Variants in ZNF644 observed in about 807,000 individuals in gnomAD.
ZNF644 encodes zinc finger motif enhancer binding protein 2.
ZNF644 carries 20 observed loss-of-function variants against 108.0 expected under a neutral mutation model. The observed-to-expected ratio is 0.19, with a 90% confidence interval of 0.13 to 0.27. The LOEUF (loss-of-function observed/expected upper bound fraction) is 0.27. Among genes scored for constraint, ZNF644 ranks in the 10% least tolerant of loss-of-function variants. The probability of loss-of-function intolerance (pLI) is 1.00; values close to 1 mark genes in which losing one functional copy is unlikely to be tolerated. For synonymous variants in ZNF644, 542 were observed against 539.1 expected (o/e 1.01, Z -0.08); for missense variants, 1,338 against 1,548.9 (o/e 0.86, Z 2.29).
intron 1 of ZNF644, among the ~76,000 whole-genome samples, chr1:91,005,956 T>C (rs1422853264): frequency 6.6e-6 from 1 of 150,928 alleles, no homozygotes; most frequent in African/African-American, 2.4e-5. Context: ...AAAAAATCAA[T>C]CAACCCAAAA....
chr1:90,937,451 A>G, intron 4 of ZNF644, 34 bp downstream of exon 4: 1 of 1,613,120 alleles, frequency 6.2e-7, no homozygotes, highest in East Asian at 2.2e-5. Context: ...CTGCATTTAA[A>G]CTGTGTATAG....
Position 90,952,953 on chromosome 1 carries a change from A to C in ZNF644, c.45-11644T>G, listed in dbSNP as rs115316690. On this transcript the variant is annotated intron_variant, in intron 2 of 5. Coordinates refer to ENST00000337393, the MANE Select transcript of ZNF644 (RefSeq NM_201269.3). ...GAAAATAAAAGACAATGAGAAAAAA[A>C]ATCTTAAAAGCAGCCACAGAAAAAA... Among the ~76,000 whole-genome samples the C allele has an allele frequency of 6.7e-3, 1,019 of 151,898 alleles. 15 individuals are homozygous for C. Among genetic ancestry groups the C allele is most frequent in the African/African-American group, 0.023 (954 of 41,438 alleles).
At chr1:90,996,569 G>A (rs1240205072) in intron 1 of ZNF644, among the ~76,000 whole-genome samples, 1 of 152,184 alleles carries the variant, frequency 6.6e-6, no homozygotes, top group Non-Finnish European at 1.5e-5. Context: ...AGAAATGCTT[G>A]AGTCCAAGTG....
intron 2 of ZNF644, among the ~76,000 whole-genome samples, chr1:90,955,921 T>C (rs1235669545): frequency 6.6e-6 from 1 of 152,238 alleles, no homozygotes; most frequent in Non-Finnish European, 1.5e-5. Context: ...GTATAATGCC[T>C]TCCTCACTAA....
At chr1:90,983,499 AAAG>A (rs1184694558) in intron 1 of ZNF644, among the ~76,000 whole-genome samples, 199 of 151,774 alleles carry the variant, frequency 1.3e-3, no homozygotes, top group East Asian at 6.3e-3. Context: ...AAAAAAAAAA[AAAG>A]AAGAAGTCTT....
In ZNF644 at chr1:90,915,529, CTTG is replaced by C. The variant is rs1648675504; in HGVS notation, c.*1266_*1268del. On this transcript the variant is annotated 3_prime_UTR_variant, in exon 6 of 6. Coordinates refer to ENST00000337393, the MANE Select transcript of ZNF644 (RefSeq NM_201269.3). ...ATAAAATGGTGCTTGCATACAAAAACTTGTTGTTTGTAAAGGAATCTGATTTCA... is the reference window on the plus strand; with the variant it reads ...ATAAAATGGTGCTTGCATACAAAAACTTGTTTGTAAAGGAATCTGATTTCA... 2 of 152,488 alleles carry C rather than the reference CTTG, an allele frequency of 1.3e-5. No homozygotes were observed. The highest frequency in any genetic ancestry group is 1.3e-4 in the Admixed American group (2 of 15,276). The allele number at this position is 152,488 out of a possible 1,614,324, so 9.4% of individuals were successfully genotyped here. A position where few individuals can be genotyped will look rare whatever the true frequency, so the allele number is the denominator to read the frequency against.
At chr1:90,997,311 CA>C (rs1658243627) in intron 1 of ZNF644, among the ~76,000 whole-genome samples, 1 of 152,108 alleles carries the variant, frequency 6.6e-6, no homozygotes, top group Non-Finnish European at 1.5e-5. Flanking sequence ...ATAACTTCAA[CA>C]AAAAGATTTA....
At chr1:90,972,550 C>G (rs1317447568) in intron 2 of ZNF644, among the ~76,000 whole-genome samples, 2 of 152,210 alleles carry the variant, frequency 1.3e-5, no homozygotes, top group Non-Finnish European at 2.9e-5. Context: ...CTACAGAAAA[C>G]TATGGTGGCT....
In ZNF644 at chr1:90,918,096, T is replaced by C; in HGVS notation, c.3747A>G (p.Leu1249=). ...RSRSGSKKKM[L]TLPHGADEVY... is the part of the protein sequence containing the mutation. The stretch of plus-strand genomic sequence containing the variant: ...CCTCGTCAGCACCATGAGGTAATGT[T>C]AGCATTTTCTTCTTGCTTCCAGATC... The change falls in exon 5 of 6, where the codon CTA becomes CTG. Residue 1249 remains leucine (L), a synonymous_variant. Transcript: ENST00000337393. The C allele has an allele frequency of 6.2e-7, 1 of 1,614,126 alleles. No homozygotes were observed. The highest frequency in any genetic ancestry group is 8.5e-7 in the Non-Finnish European group (1 of 1,180,000).
chr1:90,944,786 T>C (rs1367574491), intron 2 of ZNF644, among the ~76,000 whole-genome samples: 1 of 152,190 alleles, frequency 6.6e-6, no homozygotes, highest in Non-Finnish European at 1.5e-5. Flanking sequence ...TTAGGAACAA[T>C]TAAAATGTTC....
Position 91,010,750 on chromosome 1 carries a change from T to C in ZNF644, c.-18+11240A>G, listed in dbSNP as rs150379199. Among the ~76,000 whole-genome samples, 485 of 141,836 alleles carry C rather than the reference T, an allele frequency of 3.4e-3. 3 individuals are homozygous for C. Among genetic ancestry groups the C allele is most frequent in the African/African-American group, 0.012 (474 of 39,912 alleles). 93.0% of individuals were successfully genotyped at this position (141,836 alleles called of 152,430 possible). On this transcript the variant is annotated intron_variant, in intron 1 of 5. Coordinates refer to ENST00000337393, the MANE Select transcript of ZNF644 (RefSeq NM_201269.3). ...CATGAGCTCTTTGGAGTAGAAGCCA[T>C]ATCTGTGCTCTATGTATATGCAACC...
chr1:90,950,844 A>G (rs1031675744), intron 2 of ZNF644, among the ~76,000 whole-genome samples: 9 of 152,284 alleles, frequency 5.9e-5, no homozygotes, highest in African/African-American at 2.2e-4. Flanking sequence ...TAGTTCCTCA[A>G]CTTCCGTAAG....
intron 4 of ZNF644, among the ~76,000 whole-genome samples, chr1:90,927,179 C>T (rs182579362): frequency 6.6e-6 from 1 of 151,974 alleles, no homozygotes; most frequent in Non-Finnish European, 1.5e-5. Context: ...AAGTGTCTTC[C>T]TCTTTCTCTG....
chr1:90,929,685 T>C (rs1650497347), intron 4 of ZNF644, among the ~76,000 whole-genome samples: 2 of 152,162 alleles, frequency 1.3e-5, no homozygotes, highest in African/African-American at 4.8e-5. Flanking sequence ...TTCCACAACA[T>C]AAGAATGACT....
chr1:90,996,261 C>A (rs1176167108), intron 1 of ZNF644, among the ~76,000 whole-genome samples: 1 of 152,138 alleles, frequency 6.6e-6, no homozygotes, highest in Non-Finnish European at 1.5e-5. Context: ...AGGATATAAG[C>A]AAAAATTTCA....
chr1:90,937,430 G>A lies in ZNF644; in HGVS notation c.3688+55C>T. 3 of 1,609,678 alleles carry A rather than the reference G, an allele frequency of 1.9e-6. No individual in the cohort carries two copies. In the South Asian group the frequency reaches 3.3e-5, roughly 18 times the overall value. On this transcript the variant is annotated intron_variant, in intron 4 of 5. Coordinates refer to ENST00000337393, the MANE Select transcript of ZNF644 (RefSeq NM_201269.3). ...TTCCACATAGATTCCATTAAAGAAG[G>A]CATAATTGAACTGCATTTAAACTGT...
intron 1 of ZNF644, chr1:91,020,512 C>T (rs1427046639): frequency 6.6e-6 from 1 of 152,182 alleles, no homozygotes; most frequent in Non-Finnish European, 1.5e-5. Context: ...TAATACTAAT[C>T]AAGCTTTATG....
In ZNF644 at chr1:90,916,681, C is replaced by T; in HGVS notation, c.*117G>A. 4 of 1,130,042 alleles carry T rather than the reference C, an allele frequency of 3.5e-6. No homozygotes were observed. The South Asian group carries it at 5.4e-5, about 15-fold the overall frequency. 70.0% of individuals were successfully genotyped at this position (1,130,042 alleles called of 1,614,324 possible). Reference sequence around the variant, plus strand: ...TTTGCTCTGATGTCACTGTAATTCACTTTCCCCCCATTTTCCTGCTTTAGT... The same window carrying T: ...TTTGCTCTGATGTCACTGTAATTCATTTTCCCCCCATTTTCCTGCTTTAGT... On this transcript the variant is annotated 3_prime_UTR_variant, in exon 6 of 6. Coordinates refer to ENST00000337393, the MANE Select transcript of ZNF644 (RefSeq NM_201269.3).
chr1:91,017,996 C>T (rs1040720986), intron 1 of ZNF644, among the ~76,000 whole-genome samples: 1 of 152,088 alleles, frequency 6.6e-6, no homozygotes, highest in African/African-American at 2.4e-5. Flanking sequence ...AGGATAGTAA[C>T]TCCATGGTTC....
Sources: allele counts gnomAD v4.1 joint callset (sites outside exome capture counted in the v4.1 genomes callset), GRCh38; gene constraint gnomAD v4.1.1; transcripts MANE v1.5; gene names NCBI Gene and HGNC (gene_info 2026-07-23, HGNC 2026-07-21).